The following CSTL1 variants were observed in gnomAD, a reference collection of about 807,000 sequenced individuals.
The protein encoded by CSTL1 is cystatin-like 1.
A neutral mutation model predicts 14.4 loss-of-function variants in CSTL1; 14 were observed. The observed-to-expected ratio is 0.97, with a 90% confidence interval of 0.64 to 1.52. CSTL1 has a LOEUF of 1.52. Ranked by LOEUF, CSTL1 falls within the 40% of genes most tolerant of loss-of-function variation. CSTL1 has a pLI of 0.00. For synonymous variants in CSTL1, 72 were observed against 67.5 expected (o/e 1.07, Z -0.33); for missense variants, 170 against 168.7 (o/e 1.01, Z -0.04).
At chr20:23,450,332 G>C in the CSTL1 span, 1 of 482,388 alleles carries the variant, frequency 2.1e-6, no homozygotes, top group Non-Finnish European at 3.6e-6. Context: ...TGGCCCAGCA[G>C]ACTTTCAGAT....
chr20:23,455,764 C>A, the CSTL1 span, among the ~76,000 whole-genome samples: 1 of 152,218 alleles, frequency 6.6e-6, no homozygotes. Flanking sequence ...GGTGGTCGAT[C>A]TTCCACAGGG....
chr20:23,451,793 G>A, the CSTL1 span: 11 of 1,567,512 alleles, frequency 7.0e-6, no homozygotes, highest in South Asian at 5.6e-5. Context: ...TTCTGTCTAC[G>A]TTAAAGTGCT....
downstream of CSTL1, chr20:23,445,009 C>T: frequency 1.5e-6 from 1 of 682,900 alleles, no homozygotes; most frequent in South Asian, 1.7e-5. Flanking sequence ...CACACTTGCA[C>T]ATACTTACCT....
downstream of CSTL1, among the ~76,000 whole-genome samples, chr20:23,447,964 A>G (rs1987001035): frequency 6.6e-6 from 1 of 152,120 alleles, no homozygotes; most frequent in Non-Finnish European, 1.5e-5. Context: ...TTTTATTTAT[A>G]TGGTCTAATT....
chr20:23,448,225 A>T (rs1302611951), downstream of CSTL1, among the ~76,000 whole-genome samples: 1 of 152,150 alleles, frequency 6.6e-6, no homozygotes, highest in Non-Finnish European at 1.5e-5. Flanking sequence ...ATAATGTTTT[A>T]CCAAACTTTA....
chr20:23,450,560 A>G, the CSTL1 span: 3 of 1,611,468 alleles, frequency 1.9e-6, no homozygotes, highest in African/African-American at 2.7e-5. Context: ...ACCAGGGTAC[A>G]GCAAACACTG....
chr20:23,457,055 G>T, the CSTL1 span, among the ~76,000 whole-genome samples: 1 of 152,282 alleles, frequency 6.6e-6, no homozygotes, highest in East Asian at 1.9e-4. Flanking sequence ...ATCTCGGGTG[G>T]GGTGTTATTC....
downstream of CSTL1, among the ~76,000 whole-genome samples, chr20:23,446,538 G>A (rs1217932882): frequency 2.0e-4 from 30 of 152,100 alleles, 1 homozygote; most frequent in Admixed American, 2.0e-3. Flanking sequence ...TGACAAGCGT[G>A]AGCCACTGCG....
At chr20:23,458,297 T>C in the CSTL1 span, among the ~76,000 whole-genome samples, 1 of 152,214 alleles carries the variant, frequency 6.6e-6, no homozygotes, top group Non-Finnish European at 1.5e-5. Flanking sequence ...GGAGTTGCTC[T>C]GCTGGAAGAT....
chr20:23,451,650 G>A, the CSTL1 span, among the ~76,000 whole-genome samples: 6 of 152,210 alleles, frequency 3.9e-5, no homozygotes, highest in African/African-American at 1.2e-4. Flanking sequence ...CATCTCGGCT[G>A]TCTCCACCTT....
chr20:23,440,553 C>T (rs1264451514), intron 2 of CSTL1, 67 bp downstream of exon 2: 3 of 1,222,136 alleles, frequency 2.5e-6, no homozygotes, highest in Non-Finnish European at 3.6e-6. Context: ...TGTGAGGATT[C>T]TGGGGTAGCT....
intron 3 of CSTL1, among the ~76,000 whole-genome samples, chr20:23,444,455 C>T (rs1017143617): frequency 6.6e-6 from 1 of 152,228 alleles, no homozygotes; most frequent in Non-Finnish European, 1.5e-5. Context: ...TCCCCCATGC[C>T]TGGGGAGGTG....
At chr20:23,455,545 C>A in the CSTL1 span, among the ~76,000 whole-genome samples, 2 of 152,194 alleles carry the variant, frequency 1.3e-5, no homozygotes, top group African/African-American at 2.4e-5. Flanking sequence ...CACAAAGAAT[C>A]CCTCCTGTCA....
At chr20:23,461,170 T>C in the CSTL1 span, among the ~76,000 whole-genome samples, 324 of 152,320 alleles carry the variant, frequency 2.1e-3, 1 homozygote, top group African/African-American at 7.6e-3. Flanking sequence ...AAGGCACAGA[T>C]TGTTAGCATT....
downstream of CSTL1, among the ~76,000 whole-genome samples, chr20:23,446,067 G>A (rs1020138052): frequency 6.6e-6 from 1 of 152,132 alleles, no homozygotes; most frequent in East Asian, 1.9e-4. Flanking sequence ...TGCCTGGCAC[G>A]TGCCAAAATT....
chr20:23,446,819 A>G (rs953041455), downstream of CSTL1, among the ~76,000 whole-genome samples: 2 of 152,208 alleles, frequency 1.3e-5, no homozygotes, highest in African/African-American at 4.8e-5. Context: ...AGCTGGTCAT[A>G]ATGGCAACTT....
At chr20:23,450,162 C>A in the CSTL1 span, among the ~76,000 whole-genome samples, 2 of 152,130 alleles carry the variant, frequency 1.3e-5, no homozygotes, top group Non-Finnish European at 2.9e-5. Context: ...TCTTCCCTCT[C>A]CTTATTCTGC....
At chr20:23,450,420 C>A in the CSTL1 span, 4 of 823,370 alleles carry the variant, frequency 4.9e-6, no homozygotes, top group East Asian at 2.6e-5. Context: ...AATATGTTGA[C>A]AAACATTTAT....
chr20:23,444,727 G>T, intron 3 of CSTL1, 44 bp from the exon 4 acceptor site: 1 of 1,399,042 alleles, frequency 7.1e-7, no homozygotes, highest in South Asian at 1.2e-5. Context: ...GCTTGCCTTT[G>T]AAAAATACTT....
Sources: allele counts gnomAD v4.1 joint callset (sites outside exome capture counted in the v4.1 genomes callset), GRCh38; gene constraint gnomAD v4.1.1; transcripts MANE v1.5; gene names NCBI Gene and HGNC (gene_info 2026-07-23, HGNC 2026-07-21).